Variants in RIF1 observed in about 807,000 individuals in gnomAD.
RIF1 encodes telomere-associated protein RIF1.
Under a neutral mutation model 247.1 loss-of-function variants are expected in RIF1, and 45 were observed. The observed-to-expected ratio is 0.18, with a 90% CI of 0.14 to 0.23. RIF1 has a LOEUF of 0.23. Among genes scored for constraint, RIF1 ranks in the 10% least tolerant of loss-of-function variants. The pLI is 1.00. For synonymous variants in RIF1, 1,087 were observed against 978.8 expected (o/e 1.11, Z -2.06); for missense variants, 2,967 against 2,862.5 (o/e 1.04, Z -0.83).
chr2:151,460,541 CA>C (rs1695979862), intron 26 of RIF1, among the ~76,000 whole-genome samples: 1 of 150,086 alleles, frequency 6.7e-6, no homozygotes, highest in Non-Finnish European at 1.5e-5. Context: ...TCAACTAGCT[CA>C]TGCTAGTTGC....
At position 151,451,490 on chromosome 2, in the gene RIF1, T is replaced by C. The variant is rs1208886273; in HGVS notation, c.2245-116T>C. The C allele has an allele frequency of 9.4e-6, 6 of 641,582 alleles. No homozygotes were observed. In the Admixed American group the frequency reaches 1.5e-4, roughly 16 times the overall value. The allele number at this position is 641,582 out of a possible 1,614,324, so 39.7% of individuals were successfully genotyped here. A position where few individuals can be genotyped will look rare whatever the true frequency, so the allele number is the denominator to read the frequency against. ...ACTTAATGTACTGTAAGCTGTGGCATGTGTGTTACATAGGATATATGGGAG... is the reference window on the plus strand; with the variant it reads ...ACTTAATGTACTGTAAGCTGTGGCACGTGTGTTACATAGGATATATGGGAG... On this transcript the variant is annotated intron_variant, in intron 20 of 35. Transcript: ENST00000444746.
intron 13 of RIF1, 111 bp from the exon 14 acceptor site, chr2:151,438,573 A>G (rs1035261069): frequency 2.8e-6 from 2 of 710,650 alleles, no homozygotes; most frequent in African/African-American, 3.5e-5. Flanking sequence ...AATTAAATTA[A>G]GTATTGTTCA....
chr2:151,410,409 C>T lies in RIF1; in HGVS notation c.-10-5C>T, dbSNP rs755130340. ...GATTTTCTCCTCTTCCGGTTCGGGC[C>T]TCAGGGTGGCCGACATGACGGCCAG... On this transcript the variant is annotated splice_polypyrimidine_tract_variant and splice_region_variant and intron_variant, in intron 1 of 35. Coordinates refer to ENST00000444746, the MANE Select transcript of RIF1 (RefSeq NM_018151.5). 3 of 1,611,066 alleles carry T rather than the reference C, an allele frequency of 1.9e-6. No homozygotes were observed. In the East Asian group the frequency reaches 6.7e-5, roughly 36 times the overall value.
intron 8 of RIF1, among the ~76,000 whole-genome samples, chr2:151,424,197 G>A (rs766316064): frequency 6.6e-6 from 1 of 151,996 alleles, no homozygotes; most frequent in African/African-American, 2.4e-5. Context: ...TCTGCCTCCC[G>A]GGTTCATGCA....
chr2:151,505,600 T>C (rs1225461459), intron 12 of RIF1: 1 of 1,526,302 alleles, frequency 6.6e-7, no homozygotes, highest in Non-Finnish European at 9.1e-7. Flanking sequence ...AAAAGAAAGG[T>C]ATTATTACAT....
intron 21 of RIF1, among the ~76,000 whole-genome samples, chr2:151,453,073 A>G (rs528999712): frequency 6.6e-6 from 1 of 152,358 alleles, no homozygotes; most frequent in Non-Finnish European, 1.5e-5. Context: ...TTTCAAATTT[A>G]GAGAAATACT....
chr2:151,415,884 CA>C (rs1345924592), intron 4 of RIF1, among the ~76,000 whole-genome samples: 1 of 151,856 alleles, frequency 6.6e-6, no homozygotes, highest in Non-Finnish European at 1.5e-5. Flanking sequence ...CAAAAAAAAT[CA>C]AATGAAAAGG....
At chr2:151,521,204 A>G in the RIF1 span, among the ~76,000 whole-genome samples, 2 of 152,350 alleles carry the variant, frequency 1.3e-5, no homozygotes, top group African/African-American at 4.8e-5. Flanking sequence ...CAAAATAACA[A>G]TGAAATCTGC....
At chr2:151,488,152 AATTT>A (rs1178429946) in intron 9 of RIF1, among the ~76,000 whole-genome samples, 1 of 152,102 alleles carries the variant, frequency 6.6e-6, no homozygotes, top group Non-Finnish European at 1.5e-5. Context: ...CGAGGGGAAT[AATTT>A]ATCAGTGAAT....
In RIF1 at chr2:151,506,471, T is replaced by C; in HGVS notation, c.*1027+96T>C. The C allele has an allele frequency of 3.9e-6, 2 of 516,222 alleles. 1 individual carries two copies. The highest frequency in any genetic ancestry group is 6.8e-6 in the Non-Finnish European group (2 of 293,610). The allele number at this position is 516,222 out of a possible 1,614,324, so 32.0% of individuals were successfully genotyped here. A position where few individuals can be genotyped will look rare whatever the true frequency, so the allele number is the denominator to read the frequency against. On this transcript the variant is annotated intron_variant and NMD_transcript_variant, in intron 13 of 13. Coordinates refer to the RIF1 transcript ENST00000454583. ...GATCTTTCCAGATCTTAAGATTTCT[T>C]CTAAGATTGTGGTATACCATACTAA...
intron 9 of RIF1, chr2:151,491,850 TAAC>T: frequency 8.2e-7 from 1 of 1,221,104 alleles, no homozygotes; most frequent in Non-Finnish European, 1.2e-6. Flanking sequence ...GCATGAATTT[TAAC>T]AACCACCAAA....
At chr2:151,443,415 G>GT (rs1440621625) in intron 17 of RIF1, 86 bp downstream of exon 17, 6 of 1,331,030 alleles carry the variant, frequency 4.5e-6, no homozygotes, top group Non-Finnish European at 6.2e-6. Context: ...ATAAGTTTAA[G>GT]TTTTTTTAAA....
At chr2:151,446,325 T>G in intron 19 of RIF1, 101 bp from the exon 20 acceptor site, 1 of 1,055,742 alleles carries the variant, frequency 9.5e-7, no homozygotes, top group Non-Finnish European at 1.4e-6. Flanking sequence ...ACACACTAAA[T>G]GTTGCAGTGT....
chr2:151,506,138 A>G (rs1470456606), intron 12 of RIF1: 1 of 1,548,574 alleles, frequency 6.5e-7, no homozygotes, highest in Admixed American at 1.7e-5. Flanking sequence ...GGCAGAAAAT[A>G]TTGCAAGTGC....
chr2:151,431,347 A>C (rs777531282), intron 9 of RIF1, among the ~76,000 whole-genome samples: 1 of 152,224 alleles, frequency 6.6e-6, no homozygotes, highest in Non-Finnish European at 1.5e-5. Flanking sequence ...TACTGGGTAG[A>C]ATGGCTCAGT....
At chr2:151,413,523 T>C (rs1686651631) in intron 3 of RIF1, among the ~76,000 whole-genome samples, 2 of 152,210 alleles carry the variant, frequency 1.3e-5, no homozygotes, top group African/African-American at 4.8e-5. Context: ...CAGCTAGGAT[T>C]GTGTCTAGGA....
At chr2:151,448,598 C>A (rs1693726855) in intron 20 of RIF1, among the ~76,000 whole-genome samples, 1 of 152,200 alleles carries the variant, frequency 6.6e-6, no homozygotes. Flanking sequence ...GAATAAAAAT[C>A]TGAGCTCCTT....
the RIF1 span, among the ~76,000 whole-genome samples, chr2:151,522,440 C>T: frequency 0.59 from 89,754 of 152,012 alleles, 26,928 homozygotes; most frequent in Admixed American, 0.7. Flanking sequence ...TTCATTTCAT[C>T]ATTTAACTTG....
At chr2:151,413,568 G>C (rs540880101) in intron 3 of RIF1, among the ~76,000 whole-genome samples, 1 of 152,176 alleles carries the variant, frequency 6.6e-6, no homozygotes, top group Non-Finnish European at 1.5e-5. Flanking sequence ...ACACATCATC[G>C]TTAAGGAACA....
Sources: allele counts gnomAD v4.1 joint callset (sites outside exome capture counted in the v4.1 genomes callset), GRCh38; gene constraint gnomAD v4.1.1; transcripts MANE v1.5; gene names NCBI Gene and HGNC (gene_info 2026-07-23, HGNC 2026-07-21).